Variants in ERC2 observed in about 807,000 individuals in gnomAD.
ERC2 encodes the protein ELKS/RAB6-interacting/CAST family member 2.
Under a neutral mutation model 114.8 loss-of-function variants are expected in ERC2, and 42 were observed. The ratio of observed to expected loss-of-function variants is 0.37; its 90% CI spans 0.29 to 0.47. The LOEUF is 0.47. ERC2 is among the 20% of genes least tolerant of loss of function. ERC2 has a pLI of 0.99. For missense variants in ERC2, 939 were observed against 1,150.7 expected, an observed-to-expected ratio of 0.82 and a Z score of 2.66; for synonymous variants, 454 against 425.5, an observed-to-expected ratio of 1.07 and a Z score of -0.82.
At chr3:56,453,665 T>C (rs2062925106) in intron 1 of ERC2, among the ~76,000 whole-genome samples, 1 of 152,242 alleles carries the variant, frequency 6.6e-6, no homozygotes, top group Non-Finnish European at 1.5e-5. Flanking sequence ...TAATTTATTT[T>C]CAGATACAGA....
At chr3:55,936,460 T>C (rs1011046007) in intron 13 of ERC2, among the ~76,000 whole-genome samples, 7 of 152,232 alleles carry the variant, frequency 4.6e-5, no homozygotes, top group African/African-American at 1.7e-4. Context: ...ATTATTATTT[T>C]AGGCTGTGAT....
intron 6 of ERC2, among the ~76,000 whole-genome samples, chr3:56,117,960 C>G (rs550191092): frequency 6.6e-6 from 1 of 152,292 alleles, no homozygotes; most frequent in South Asian, 2.1e-4. Context: ...AGAGGAAATG[C>G]AAGGAAGAAG....
intron 14 of ERC2, among the ~76,000 whole-genome samples, chr3:55,752,512 C>G (rs17714306): frequency 0.18 from 27,021 of 152,178 alleles, 2,695 homozygotes; most frequent in Admixed American, 0.29. Flanking sequence ...TTTGCCAAGA[C>G]TGCTGAACAA....
chr3:56,459,626 G>A (rs912516167), intron 1 of ERC2, among the ~76,000 whole-genome samples: 5 of 152,080 alleles, frequency 3.3e-5, no homozygotes, highest in African/African-American at 9.7e-5. Context: ...TAAGTTGCTG[G>A]TATAAGATGT....
intron 2 of ERC2, among the ~76,000 whole-genome samples, chr3:56,373,893 C>A (rs917564849): frequency 6.6e-6 from 1 of 151,760 alleles, no homozygotes; most frequent in Non-Finnish European, 1.5e-5. Context: ...TTTTTTTAAA[C>A]CCCATTTAAA....
rs189417554 is a variant in ERC2, at chr3:55,548,672, G to A, written c.*40-37396C>T. The stretch of plus-strand genomic sequence containing the variant: ...CCCAGTTCTGACAATCAAAAGCTGG[G>A]TGTCCTTCGATGGGCCACTTGGCTT... On this transcript the variant is annotated intron_variant, in intron 17 of 17. Coordinates refer to ENST00000288221, the MANE Select transcript of ERC2 (RefSeq NM_015576.3). Among the ~76,000 whole-genome samples, 244 of 152,312 alleles carry A rather than the reference G, an allele frequency of 1.6e-3. 4 individuals are homozygous for A. Among genetic ancestry groups the A allele is most frequent in the Non-Finnish European group, 2.6e-4 (18 of 68,032 alleles).
chr3:55,598,060 A>G (rs886464673), intron 17 of ERC2, among the ~76,000 whole-genome samples: 3 of 152,184 alleles, frequency 2.0e-5, no homozygotes, highest in African/African-American at 7.2e-5. Context: ...GCTCCTCCAC[A>G]TGGCCTCCAT....
At chr3:55,738,748 A>G (rs2065796555) in intron 14 of ERC2, among the ~76,000 whole-genome samples, 1 of 152,158 alleles carries the variant, frequency 6.6e-6, no homozygotes, top group Admixed American at 6.6e-5. Context: ...GTCATCATCA[A>G]CCAAAAAACA....
At chr3:55,849,199 A>AGTCCC in intron 14 of ERC2, among the ~76,000 whole-genome samples, 1 of 152,270 alleles carries the variant, frequency 6.6e-6, no homozygotes, top group South Asian at 2.1e-4. Context: ...CTGAGATAAG[A>AGTCCC]GTCCCGGACC....
intron 13 of ERC2, among the ~76,000 whole-genome samples, chr3:55,941,311 C>T (rs1304323648): frequency 2.6e-5 from 4 of 152,156 alleles, no homozygotes; most frequent in African/African-American, 9.7e-5. Flanking sequence ...CCTGATGCCC[C>T]TTCAGGACCA....
intron 11 of ERC2, among the ~76,000 whole-genome samples, chr3:55,989,143 C>T (rs142702632): frequency 5.1e-4 from 78 of 152,256 alleles, no homozygotes; most frequent in Middle Eastern, 3.4e-3. Context: ...TCCCACCACA[C>T]GTTTTATGAA....
At chr3:55,889,515 C>A (rs1358121578) in intron 13 of ERC2, among the ~76,000 whole-genome samples, 2 of 152,160 alleles carry the variant, frequency 1.3e-5, no homozygotes. Context: ...AAATGAGACC[C>A]AGGAGCCCTG....
intron 7 of ERC2, among the ~76,000 whole-genome samples, chr3:56,051,741 G>A (rs949209280): frequency 6.6e-6 from 1 of 151,544 alleles, no homozygotes; most frequent in Admixed American, 6.6e-5. Context: ...CAGCAGAATT[G>A]CTTGCACCCA....
chr3:56,465,397 C>CA (rs1273873650), intron 1 of ERC2, among the ~76,000 whole-genome samples: 1 of 151,808 alleles, frequency 6.6e-6, no homozygotes, highest in Non-Finnish European at 1.5e-5. Context: ...GACTCCATTT[C>CA]AAAAAACAAT....
chr3:55,763,520 C>T (rs2067581968), intron 14 of ERC2, among the ~76,000 whole-genome samples: 5 of 152,308 alleles, frequency 3.3e-5, no homozygotes, highest in South Asian at 4.1e-4. Context: ...CTCCTGCCAA[C>T]TGGTGACCCT....
chr3:56,044,649 A>G (rs1462084411), intron 7 of ERC2, among the ~76,000 whole-genome samples: 3 of 152,136 alleles, frequency 2.0e-5, no homozygotes, highest in Non-Finnish European at 4.4e-5. Flanking sequence ...ATAATAGGAT[A>G]AAATACTCAT....
intron 2 of ERC2, among the ~76,000 whole-genome samples, chr3:56,299,115 TTTTGTTTTTTTTTTTGTTTGTTTG>T (rs1560547087): frequency 1.0e-4 from 14 of 135,896 alleles, no homozygotes; most frequent in African/African-American, 3.7e-4. Context: ...TGTTTTTTTT[TTTTGTTTTTTTTTTTGTTTGTTTG>T]TTTTTTGAGA....
chr3:56,171,989 A>C (rs1192667223), intron 4 of ERC2, among the ~76,000 whole-genome samples: 9 of 150,102 alleles, frequency 6.0e-5, no homozygotes, highest in East Asian at 5.8e-4. Flanking sequence ...AAAAAACAAA[A>C]AAAAAAACAA....
chr3:55,853,409 C>T (rs1168834378), intron 14 of ERC2, among the ~76,000 whole-genome samples: 1 of 152,024 alleles, frequency 6.6e-6, no homozygotes, highest in Non-Finnish European at 1.5e-5. Context: ...TCTACAATCC[C>T]AGCTACTTGG....
Sources: gnomAD v4.1 joint callset for allele counts (sites outside exome capture counted in the v4.1 genomes callset) on GRCh38, gnomAD v4.1.1 for gene constraint, MANE v1.5 for transcripts, NCBI Gene and HGNC (gene_info 2026-07-23, HGNC 2026-07-21) for gene names.